Variants in DIP2C observed in about 807,000 individuals in gnomAD.
DIP2C encodes DIP2 acetate--CoA ligase C (putative), also known as disco-interacting protein 2 homolog C.
A neutral mutation model predicts 192.4 loss-of-function variants in DIP2C; 33 were observed. That is an observed-to-expected ratio of 0.17 (90% CI 0.13 to 0.23). DIP2C has a LOEUF of 0.23. Ranked by LOEUF, DIP2C falls within the 10% of genes least tolerant of loss-of-function variation. DIP2C has a pLI of 1.00. For missense variants in DIP2C, 1,537 were observed against 2,110.1 expected, an observed-to-expected ratio of 0.73 and a Z score of 5.32; for synonymous variants, 979 against 864.1, an observed-to-expected ratio of 1.13 and a Z score of -2.33.
At chr10:504,829 T>C (rs981935466) in intron 1 of DIP2C, among the ~76,000 whole-genome samples, 3 of 152,232 alleles carry the variant, frequency 2.0e-5, no homozygotes, top group African/African-American at 7.2e-5. Context: ...TATGGCTGCA[T>C]CACGGCTTTC....
chr10:492,806 G>C, intron 1 of DIP2C, among the ~76,000 whole-genome samples: 1 of 152,126 alleles, frequency 6.6e-6, no homozygotes, highest in African/African-American at 2.4e-5. Context: ...AGTTAGAAAG[G>C]GGATTAAAGG....
chr10:491,093 C>G (rs553521685), intron 1 of DIP2C, among the ~76,000 whole-genome samples: 10 of 152,214 alleles, frequency 6.6e-5, no homozygotes, highest in African/African-American at 1.7e-4. Context: ...GGCTTCCTCT[C>G]GGCCTCAGGC....
intron 1 of DIP2C, among the ~76,000 whole-genome samples, chr10:682,942 G>A (rs780712925): frequency 1.3e-5 from 2 of 152,202 alleles, no homozygotes; most frequent in East Asian, 3.8e-4. Context: ...ATCAGTCACA[G>A]CATCTCTCCA....
intron 9 of DIP2C, among the ~76,000 whole-genome samples, chr10:407,065 G>A (rs568295151): frequency 6.6e-6 from 1 of 152,222 alleles, no homozygotes; most frequent in Admixed American, 6.5e-5. Context: ...TCAAACACTT[G>A]GGGAGACCGA....
At chr10:487,326 G>A (rs889047790) in intron 1 of DIP2C, among the ~76,000 whole-genome samples, 1 of 152,150 alleles carries the variant, frequency 6.6e-6, no homozygotes, top group South Asian at 2.1e-4. Context: ...AAAAATTCAA[G>A]CTTTAACAAA....
intron 4 of DIP2C, among the ~76,000 whole-genome samples, chr10:433,533 T>C (rs1966932850): frequency 6.6e-6 from 1 of 151,220 alleles, no homozygotes; most frequent in Non-Finnish European, 1.5e-5. Context: ...AAAAAAAAAA[T>C]AGCCAGGCAT....
At chr10:430,305 C>A (rs1966845149) in intron 4 of DIP2C, 1 of 152,218 alleles carries the variant, frequency 6.6e-6, no homozygotes, top group Non-Finnish European at 1.5e-5. Flanking sequence ...CACTACTGAT[C>A]AGCTTAGGAA....
chr10:427,109 G>A (rs1441906052), intron 4 of DIP2C, among the ~76,000 whole-genome samples: 1 of 152,222 alleles, frequency 6.6e-6, no homozygotes, highest in Non-Finnish European at 1.5e-5. Flanking sequence ...TTATCCTACA[G>A]ATGGAGAAGT....
At chr10:485,414 T>C (rs1252463085) in intron 2 of DIP2C, among the ~76,000 whole-genome samples, 1 of 152,212 alleles carries the variant, frequency 6.6e-6, no homozygotes, top group Non-Finnish European at 1.5e-5. Context: ...TCTGCTCCCC[T>C]TCTCTCGGGT....
At chr10:550,787 C>G (rs988536857) in intron 1 of DIP2C, among the ~76,000 whole-genome samples, 2 of 152,220 alleles carry the variant, frequency 1.3e-5, no homozygotes, top group African/African-American at 4.8e-5. Context: ...AAACAAGCAT[C>G]CCTTGACCAG....
Position 414,017 on chromosome 10 carries a change from G to T in DIP2C, c.953C>A (p.Pro318Gln). 1.2e-6 allele frequency: 2 copies of T among 1,614,108 alleles called. No homozygotes were observed. Among genetic ancestry groups the T allele is most frequent in the Non-Finnish European group, 1.7e-6 (2 of 1,180,002 alleles). The change falls in exon 8 of 37, where the codon CCG (proline) becomes CAG (glutamine). Residue 318 changes from proline to glutamine, a missense_variant. Coordinates refer to ENST00000280886, the MANE Select transcript of DIP2C (RefSeq NM_014974.3). ...EQLGVVTNWP[P>Q]SLEAALQRWG... ...CCTCTGCAGTGCGGCCTCCAGCGAC[G>T]GCGGCCAGTTCGTGACCACGCCCAG...
At chr10:562,807 C>G (rs1459347611) in intron 1 of DIP2C, among the ~76,000 whole-genome samples, 2 of 152,180 alleles carry the variant, frequency 1.3e-5, no homozygotes, top group Admixed American at 1.3e-4. Flanking sequence ...AGAGGACACA[C>G]TCAACACAGA....
chr10:357,746 A>G, intron 23 of DIP2C, 82 bp downstream of exon 23: 1 of 1,025,614 alleles, frequency 9.8e-7, no homozygotes, highest in South Asian at 1.4e-5. Flanking sequence ...ACAGTCGGGT[A>G]CTGTCGGGGA....
intron 1 of DIP2C, among the ~76,000 whole-genome samples, chr10:671,120 C>T (rs1345753909): frequency 6.6e-6 from 1 of 152,232 alleles, no homozygotes; most frequent in Admixed American, 6.5e-5. Flanking sequence ...CCCATCCCTG[C>T]GGCTCCCCGA....
intron 1 of DIP2C, among the ~76,000 whole-genome samples, chr10:598,086 G>T (rs769333867): frequency 1.3e-5 from 2 of 152,258 alleles, no homozygotes; most frequent in African/African-American, 4.8e-5. Flanking sequence ...CAAGTCTGCA[G>T]GACACGCGTG....
In DIP2C at chr10:384,136, C is replaced by A; in HGVS notation, c.1767G>T (p.Ala589=). ...QKVCQYKAKV[A]CVKSRDMHWA... ...AATGCATATCCCTCGATTTCACACA[C>A]GCCACTTTTGCTAAAAAGAAAAATA... The change falls in exon 16 of 37, where the codon GCG becomes GCT. Residue 589 remains alanine (A), a synonymous_variant. Transcript: ENST00000280886. The A allele has an allele frequency of 6.2e-7, 1 of 1,609,610 alleles. No homozygotes were observed. The highest frequency in any genetic ancestry group is 1.7e-4 in the Middle Eastern group (1 of 6,054).
intron 17 of DIP2C, among the ~76,000 whole-genome samples, chr10:372,720 G>C (rs181833136): frequency 3.1e-3 from 468 of 150,572 alleles, no homozygotes; most frequent in Middle Eastern, 0.01. Flanking sequence ...AGCGCAGGAG[G>C]TCCCAACACA....
chr10:513,632 C>T (rs866442192), intron 1 of DIP2C, among the ~76,000 whole-genome samples: 1 of 66,682 alleles, frequency 1.5e-5, no homozygotes, highest in Non-Finnish European at 3.3e-5. Context: ...ACCTGAAAGT[C>T]ACTAAGTATA....
rs963593572 is a variant in DIP2C, at chr10:427,306, A to T, written c.395-4273T>A. ...CTTTTCTCTTGTAAGGACGTTCTTG[A>T]TTACAGTGGGTCCACCTGCTTAAAC... is the stretch of plus-strand genomic sequence containing the variant. On this transcript the variant is annotated intron_variant, in intron 4 of 36. Transcript: ENST00000280886. Among the ~76,000 whole-genome samples the T allele has an allele frequency of 2.0e-5, 3 of 152,152 alleles. No individual in the cohort carries two copies. In the East Asian group the frequency reaches 5.8e-4, roughly 29 times the overall value.
Sources: allele counts gnomAD v4.1 joint callset (sites outside exome capture counted in the v4.1 genomes callset), GRCh38; gene constraint gnomAD v4.1.1; transcripts MANE v1.5; gene names NCBI Gene and HGNC (gene_info 2026-07-23, HGNC 2026-07-21).